Variants in PLD5 observed in about 807,000 individuals in gnomAD.
PLD5 encodes the protein inactive phospholipase D5.
Under a neutral mutation model 61.1 loss-of-function variants are expected in PLD5, and 36 were observed. The observed-to-expected ratio is 0.59, with a 90% CI of 0.45 to 0.78. The LOEUF (loss-of-function observed/expected upper bound fraction) is 0.78, where lower values mean the gene tolerates loss of function less well. Ranked by LOEUF, PLD5 falls within the 30% of genes least tolerant of loss-of-function variation. PLD5 has a pLI of 0.00. For missense variants in PLD5, 515 were observed against 644.4 expected, an observed-to-expected ratio of 0.80 and a Z score of 2.17; for synonymous variants, 243 against 242.8, an observed-to-expected ratio of 1.00 and a Z score of -0.01.
chr1:242,525,647 A>G (rs149069789), upstream of PLD5, among the ~76,000 whole-genome samples: 2 of 152,236 alleles, frequency 1.3e-5, no homozygotes, highest in African/African-American at 4.8e-5. Flanking sequence ...AAGCTTGGGA[A>G]GTGTATGGAA....
At chr1:242,348,918 G>A (rs370211299) in intron 1 of PLD5, among the ~76,000 whole-genome samples, 1 of 152,162 alleles carries the variant, frequency 6.6e-6, no homozygotes, top group African/African-American at 2.4e-5. Context: ...GCTGGGCGTG[G>A]TGGCAGGCGC....
chr1:242,260,897 CA>C (rs763799480), intron 4 of PLD5, among the ~76,000 whole-genome samples: 162 of 152,196 alleles, frequency 1.1e-3, no homozygotes, highest in Non-Finnish European at 1.9e-3. Flanking sequence ...GCAGCTAAAG[CA>C]GTAGTAAGAG....
intron 5 of PLD5, among the ~76,000 whole-genome samples, chr1:242,159,385 C>T (rs1360489710): frequency 6.6e-6 from 1 of 152,110 alleles, no homozygotes; most frequent in East Asian, 1.9e-4. Context: ...AGTGTCTGCT[C>T]CACCCTCAGG....
At chr1:242,172,629 T>C (rs1666834740) in intron 5 of PLD5, among the ~76,000 whole-genome samples, 1 of 152,054 alleles carries the variant, frequency 6.6e-6, no homozygotes, top group African/African-American at 2.4e-5. Flanking sequence ...GATAGACTTC[T>C]AGCCAAACAA....
chr1:242,483,581 G>C (rs1440777424), intron 1 of PLD5, among the ~76,000 whole-genome samples: 3 of 152,140 alleles, frequency 2.0e-5, no homozygotes, highest in Non-Finnish European at 4.4e-5. Context: ...GACCTACAAA[G>C]AGACTTAGAC....
At chr1:242,188,389 C>T (rs1335259947) in intron 5 of PLD5, among the ~76,000 whole-genome samples, 5 of 152,114 alleles carry the variant, frequency 3.3e-5, no homozygotes, top group Admixed American at 2.0e-4. Flanking sequence ...AAGTTTGTGT[C>T]TGCAAATCAA....
chr1:242,447,215 A>C (rs2102917955), intron 1 of PLD5, among the ~76,000 whole-genome samples: 1 of 152,374 alleles, frequency 6.6e-6, no homozygotes, highest in Non-Finnish European at 1.5e-5. Context: ...ATTTGTAAAT[A>C]AAATTTAAAA....
At chr1:242,497,210 G>A (rs758489831) in intron 1 of PLD5, among the ~76,000 whole-genome samples, 2 of 152,194 alleles carry the variant, frequency 1.3e-5, no homozygotes, top group Non-Finnish European at 2.9e-5. Context: ...AGGAGCCTGA[G>A]CTGGGACTAA....
intron 3 of PLD5, among the ~76,000 whole-genome samples, chr1:242,279,233 G>A (rs1286966750): frequency 6.6e-6 from 1 of 152,226 alleles, no homozygotes. Flanking sequence ...ACAAACTGGG[G>A]TAGGGACCAA....
intron 1 of PLD5, among the ~76,000 whole-genome samples, chr1:242,352,519 C>A (rs1229465875): frequency 2.6e-5 from 4 of 152,134 alleles, no homozygotes; most frequent in Non-Finnish European, 5.9e-5. Flanking sequence ...CATGGGTGTG[C>A]AGACATCTTT....
intron 1 of PLD5, among the ~76,000 whole-genome samples, chr1:242,424,004 T>G (rs1378111867): frequency 6.6e-6 from 1 of 152,202 alleles, no homozygotes; most frequent in Non-Finnish European, 1.5e-5. Context: ...ACAACGTTTC[T>G]TCATATGTAA....
At chr1:242,203,155 C>T (rs186784461) in intron 5 of PLD5, among the ~76,000 whole-genome samples, 11 of 152,262 alleles carry the variant, frequency 7.2e-5, no homozygotes, top group South Asian at 4.1e-4. Flanking sequence ...TACCCGCCCC[C>T]GCCACCTATG....
chr1:242,322,565 T>G (rs1658487130), intron 2 of PLD5, among the ~76,000 whole-genome samples: 1 of 152,224 alleles, frequency 6.6e-6, no homozygotes, highest in African/African-American at 2.4e-5. Context: ...CCAAATCTCA[T>G]CTTGAATTGT....
intron 1 of PLD5, among the ~76,000 whole-genome samples, chr1:242,381,702 T>C (rs1662288514): frequency 6.6e-6 from 1 of 152,218 alleles, no homozygotes; most frequent in Non-Finnish European, 1.5e-5. Context: ...TTAATATTTG[T>C]ATATATTTGT....
At chr1:242,316,065 G>T (rs945008368) in intron 2 of PLD5, among the ~76,000 whole-genome samples, 8 of 152,134 alleles carry the variant, frequency 5.3e-5, no homozygotes, top group African/African-American at 1.9e-4. Flanking sequence ...GTTTCCTCGT[G>T]TGGAAAAAGG....
chr1:242,284,557 A>T (rs1001936699), intron 3 of PLD5, among the ~76,000 whole-genome samples: 8 of 152,170 alleles, frequency 5.3e-5, no homozygotes, highest in African/African-American at 1.9e-4. Flanking sequence ...GCAAGGTGAG[A>T]GGGAGCCACT....
intron 2 of PLD5, among the ~76,000 whole-genome samples, chr1:242,334,431 T>A (rs1659381732): frequency 6.6e-6 from 1 of 152,148 alleles, no homozygotes; most frequent in Non-Finnish European, 1.5e-5. Context: ...AGAAAAACAC[T>A]GAGACAGAGA....
chr1:242,210,725 AC>A (rs1469787231), intron 5 of PLD5: 1 of 151,420 alleles, frequency 6.6e-6, no homozygotes, highest in Non-Finnish European at 1.5e-5. Flanking sequence ...TCCTTTACCT[AC>A]CCAAATCTTA....
At chr1:242,113,789 CT>C in intron 7 of PLD5, 100 bp downstream of exon 7, 2 of 1,400,568 alleles carry the variant, frequency 1.4e-6, no homozygotes, top group Non-Finnish European at 1.9e-6. Flanking sequence ...CTAAGGCAAC[CT>C]GATGGCATCT....
Sources: allele counts gnomAD v4.1 joint callset (sites outside exome capture counted in the v4.1 genomes callset), GRCh38; gene constraint gnomAD v4.1.1; transcripts MANE v1.5; gene names NCBI Gene and HGNC (gene_info 2026-07-23, HGNC 2026-07-21).